The following PDE10A variants were observed in gnomAD, a reference collection of about 807,000 sequenced individuals.
PDE10A encodes the protein phosphodiesterase 10A.
A neutral mutation model predicts 97.7 loss-of-function variants in PDE10A; 39 were observed. That is an observed-to-expected ratio of 0.40 (90% CI 0.31 to 0.52). PDE10A has a LOEUF of 0.52. Ranked by LOEUF, PDE10A falls within the 20% of genes least tolerant of loss-of-function variation. PDE10A has a pLI of 0.56. For missense variants in PDE10A, 731 were observed against 1,047.8 expected (o/e 0.70, Z 4.17); for synonymous variants, 371 against 376.8 (o/e 0.98, Z 0.18).
chr6:165,603,720 C>G (rs757524387), intron 1 of PDE10A, among the ~76,000 whole-genome samples: 1 of 152,146 alleles, frequency 6.6e-6, no homozygotes, highest in Non-Finnish European at 1.5e-5. Flanking sequence ...CACAATGACC[C>G]CTAATGGTAT....
At chr6:165,369,816 G>C (rs1784096700) in intron 18 of PDE10A, among the ~76,000 whole-genome samples, 1 of 150,100 alleles carries the variant, frequency 6.7e-6, no homozygotes, top group Admixed American at 6.6e-5. Flanking sequence ...AAATGTTAAG[G>C]GCAGCCAGAG....
At chr6:165,818,185 G>A (rs930391284) in intron 1 of PDE10A, among the ~76,000 whole-genome samples, 7 of 152,048 alleles carry the variant, frequency 4.6e-5, no homozygotes, top group South Asian at 4.2e-4. Flanking sequence ...ACTGTCACAC[G>A]CACCCATCTT....
chr6:165,577,512 C>A (rs886183014), intron 1 of PDE10A, among the ~76,000 whole-genome samples: 1 of 152,188 alleles, frequency 6.6e-6, no homozygotes, highest in Non-Finnish European at 1.5e-5. Context: ...AGGCCCCACA[C>A]CCCCAAGGGC....
chr6:165,781,963 T>C (rs1401283331), intron 1 of PDE10A: 1 of 152,216 alleles, frequency 6.6e-6, no homozygotes, highest in Non-Finnish European at 1.5e-5. Flanking sequence ...GGTTACAACA[T>C]TTTTGGTTGT....
At chr6:165,627,035 C>G (rs1206660249) in intron 1 of PDE10A, among the ~76,000 whole-genome samples, 5 of 152,352 alleles carry the variant, frequency 3.3e-5, no homozygotes, top group African/African-American at 1.2e-4. Context: ...TTTCACATCT[C>G]TAAATCTGTC....
intron 17 of PDE10A, among the ~76,000 whole-genome samples, chr6:165,383,329 T>C (rs577504743): frequency 4.6e-5 from 7 of 152,296 alleles, no homozygotes; most frequent in East Asian, 1.9e-4. Context: ...ACAGAATAAA[T>C]TGATTTAATA....
At position 165,387,875 on chromosome 6, in the gene PDE10A, AAAAT is replaced by A. The variant is rs544377293; in HGVS notation, c.2610+419_2610+422del. Among the ~76,000 whole-genome samples the A allele has an allele frequency of 7.5e-3, 1,150 of 152,340 alleles. 10 individuals carry two copies. Among genetic ancestry groups the A allele is most frequent in the African/African-American group, 0.027 (1,103 of 41,578 alleles). Reference sequence around the variant, plus strand: ...TTACCAAGAACATCTTAAAGACAATAAAATAAATAAACAAAACATACAGTGTAAA... The same window carrying A: ...TTACCAAGAACATCTTAAAGACAATAAAATAAACAAAACATACAGTGTAAA... On this transcript the variant is annotated intron_variant, in intron 17 of 21. Transcript: ENST00000539869.
At chr6:165,672,186 T>C (rs189079230) in intron 1 of PDE10A, among the ~76,000 whole-genome samples, 23 of 152,350 alleles carry the variant, frequency 1.5e-4, no homozygotes, top group African/African-American at 5.5e-4. Context: ...CGTAAAGGTA[T>C]GTGTTTCTCA....
chr6:165,982,762 T>C (rs1785057821), intron 1 of PDE10A, among the ~76,000 whole-genome samples: 1 of 147,526 alleles, frequency 6.8e-6, no homozygotes, highest in Non-Finnish European at 1.5e-5. Flanking sequence ...CTATTCGGGG[T>C]TTTCATCAAA....
At chr6:165,363,982 C>T (rs1783600066) in intron 18 of PDE10A, among the ~76,000 whole-genome samples, 1 of 152,268 alleles carries the variant, frequency 6.6e-6, no homozygotes, top group African/African-American at 2.4e-5. Flanking sequence ...CATCAGAATC[C>T]TAGCTAGCTT....
At chr6:165,572,658 G>A (rs1421856937) in intron 1 of PDE10A, among the ~76,000 whole-genome samples, 1 of 152,188 alleles carries the variant, frequency 6.6e-6, no homozygotes, top group East Asian at 1.9e-4. Flanking sequence ...CCAGCACTTT[G>A]GGAAGCCAAG....
chr6:165,539,759 A>T (rs1458059773), intron 2 of PDE10A, among the ~76,000 whole-genome samples: 1 of 108,060 alleles, frequency 9.3e-6, no homozygotes, highest in African/African-American at 6.3e-5. Flanking sequence ...TGTCTCTAAT[A>T]AAAAAAAAAA....
intron 1 of PDE10A, among the ~76,000 whole-genome samples, chr6:165,568,660 C>T (rs946338457): frequency 6.6e-5 from 10 of 152,052 alleles, no homozygotes; most frequent in Admixed American, 6.6e-4. Flanking sequence ...CCCAAAAGTG[C>T]AAGAATAGTG....
At chr6:165,605,857 G>A (rs1787181987) in intron 1 of PDE10A, among the ~76,000 whole-genome samples, 1 of 152,152 alleles carries the variant, frequency 6.6e-6, no homozygotes, top group African/African-American at 2.4e-5. Context: ...CATAATGAAA[G>A]AGACAGGTTT....
intron 1 of PDE10A, among the ~76,000 whole-genome samples, chr6:165,587,447 GTAAGT>G (rs1480898636): frequency 6.6e-6 from 1 of 152,124 alleles, no homozygotes; most frequent in African/African-American, 2.4e-5. Context: ...CTAGATGGGG[GTAAGT>G]TATTTTTGCT....
chr6:165,357,614 A>C (rs1783109326), intron 18 of PDE10A, among the ~76,000 whole-genome samples: 1 of 152,132 alleles, frequency 6.6e-6, no homozygotes, highest in Admixed American at 6.5e-5. Flanking sequence ...ATTTCTCAAA[A>C]AATTTATCCG....
In PDE10A at chr6:165,531,301, G is replaced by A. The variant is rs377362168; in HGVS notation, c.994+12139C>T. On this transcript the variant is annotated intron_variant, in intron 2 of 21. Transcript: ENST00000539869. ...CATTATAGCTGAATCTGTGTCTAAT[G>A]CTTAGCAAGCGTTACGCACATACTA... 7.3e-5 allele frequency among the ~76,000 whole-genome samples: 11 copies of A among 151,176 alleles called. No individual in the cohort carries two copies. The East Asian group carries it at 9.6e-4, about 13-fold the overall frequency.
At chr6:165,539,095 T>C (rs1019061526) in intron 2 of PDE10A, among the ~76,000 whole-genome samples, 5 of 152,184 alleles carry the variant, frequency 3.3e-5, no homozygotes, top group Non-Finnish European at 5.9e-5. Context: ...CCTGAGGAAG[T>C]TTTTATATAT....
At chr6:165,491,471 T>C (rs1438130057) in intron 2 of PDE10A, among the ~76,000 whole-genome samples, 1 of 152,070 alleles carries the variant, frequency 6.6e-6, no homozygotes, top group Non-Finnish European at 1.5e-5. Flanking sequence ...TGGAACTGTC[T>C]CCAAGACAGA....
Sources: gnomAD v4.1 joint callset for allele counts (sites outside exome capture counted in the v4.1 genomes callset) on GRCh38, gnomAD v4.1.1 for gene constraint, MANE v1.5 for transcripts, NCBI Gene and HGNC (gene_info 2026-07-23, HGNC 2026-07-21) for gene names.